FSTL4: variants seen among roughly 807,000 people sequenced by gnomAD.
FSTL4 encodes follistatin-related protein 4.
Under a neutral mutation model 78.2 loss-of-function variants are expected in FSTL4, and 28 were observed. That is an observed-to-expected ratio of 0.36 (90% CI 0.27 to 0.49). FSTL4 has a LOEUF of 0.49. FSTL4 is among the 20% of genes least tolerant of loss of function. The pLI is 0.98. For missense variants in FSTL4, 922 were observed against 1,084.9 expected, an observed-to-expected ratio of 0.85 and a Z score of 2.11; for synonymous variants, 422 against 440.5, an observed-to-expected ratio of 0.96 and a Z score of 0.53.
At chr5:133,408,165 C>A (rs765248429) in intron 3 of FSTL4, among the ~76,000 whole-genome samples, 17 of 152,326 alleles carry the variant, frequency 1.1e-4, no homozygotes, top group South Asian at 8.3e-4. Flanking sequence ...ACGTAACCCT[C>A]TAGCCTGGAT....
chr5:133,347,547 T>C (rs913084312), intron 4 of FSTL4, among the ~76,000 whole-genome samples: 3 of 152,082 alleles, frequency 2.0e-5, no homozygotes, highest in African/African-American at 7.2e-5. Context: ...GGGTTATAGA[T>C]GGGGTTTCAC....
chr5:133,503,333 GAC>G (rs1758540094), intron 3 of FSTL4, among the ~76,000 whole-genome samples: 1 of 152,190 alleles, frequency 6.6e-6, no homozygotes, highest in Non-Finnish European at 1.5e-5. Context: ...AGTAGAATTT[GAC>G]AATTTCCATG....
chr5:133,778,629 G>T, the FSTL4 span, among the ~76,000 whole-genome samples: 1 of 152,166 alleles, frequency 6.6e-6, no homozygotes, highest in Non-Finnish European at 1.5e-5. Flanking sequence ...CCTCACCGAG[G>T]CTGTGACAGA....
intron 3 of FSTL4, among the ~76,000 whole-genome samples, chr5:133,564,786 T>C (rs1056610486): frequency 6.6e-5 from 10 of 151,976 alleles, no homozygotes; most frequent in African/African-American, 9.7e-5. Context: ...GAGGGGGAAA[T>C]AGGGCAGAGG....
rs113617618 is a variant in FSTL4 at position 133,504,489 on chromosome 5, A to T, written c.160+62697T>A. On this transcript the variant is annotated intron_variant, in intron 3 of 15. Transcript: ENST00000265342. ...TAATCCCCATTTTTTACAACAGAAT[A>T]ATCCTTTAAAACTATAAACCTCATC... Among the ~76,000 whole-genome samples, 1,365 of 152,178 alleles carry T rather than the reference A, an allele frequency of 9.0e-3. 18 individuals carry two copies. The highest frequency in any genetic ancestry group is 0.031 in the African/African-American group (1,274 of 41,546).
the FSTL4 span, among the ~76,000 whole-genome samples, chr5:133,702,319 G>A: frequency 6.6e-6 from 1 of 152,164 alleles, no homozygotes; most frequent in African/African-American, 2.4e-5. Flanking sequence ...AGCATCTTAA[G>A]CTTAAGCTCT....
At chr5:133,357,076 G>A (rs1187068509) in intron 4 of FSTL4, among the ~76,000 whole-genome samples, 3 of 152,240 alleles carry the variant, frequency 2.0e-5, no homozygotes, top group Non-Finnish European at 4.4e-5. Context: ...GGACTGCAAA[G>A]CCCTGGACAG....
chr5:133,687,593 C>G, the FSTL4 span, among the ~76,000 whole-genome samples: 1 of 152,180 alleles, frequency 6.6e-6, no homozygotes, highest in African/African-American at 2.4e-5. Context: ...TCCATTCTTC[C>G]TACTCACTAA....
chr5:133,631,929 A>T, the FSTL4 span, among the ~76,000 whole-genome samples: 4,472 of 152,206 alleles, frequency 0.029, 95 homozygotes, highest in Middle Eastern at 0.071. Flanking sequence ...GTTCTCACTC[A>T]TAAGTGGGAG....
rs373996124 is a variant in FSTL4 at position 133,401,176 on chromosome 5, AG to A, written c.161-191del. Among the ~76,000 whole-genome samples the A allele has an allele frequency of 3.4e-4, 52 of 152,332 alleles. 2 individuals are homozygous for A. In the South Asian group the frequency reaches 0.011, roughly 31 times the overall value. On this transcript the variant is annotated intron_variant, in intron 3 of 15. Coordinates refer to ENST00000265342, the MANE Select transcript of FSTL4 (RefSeq NM_015082.2). ...CATGAGGTGGTCATTGGTGCCAAGA[AG>A]GGTGTCCTGCCTTGCAGAGCTCAGG...
chr5:133,688,388 G>T, the FSTL4 span, among the ~76,000 whole-genome samples: 1 of 152,216 alleles, frequency 6.6e-6, no homozygotes, highest in Non-Finnish European at 1.5e-5. Flanking sequence ...ACTCCAGCCT[G>T]GGTGACAGAA....
chr5:133,550,307 A>T (rs1330435736), intron 3 of FSTL4, among the ~76,000 whole-genome samples: 2 of 152,150 alleles, frequency 1.3e-5, no homozygotes, highest in African/African-American at 4.8e-5. Context: ...ATTAGTATCT[A>T]CTCTTTCTGA....
chr5:133,670,333 G>A, the FSTL4 span, among the ~76,000 whole-genome samples: 1 of 152,210 alleles, frequency 6.6e-6, no homozygotes, highest in Non-Finnish European at 1.5e-5. Flanking sequence ...CCAGAAAACA[G>A]GCTGAGAAAA....
chr5:133,827,093 C>T, the FSTL4 span, among the ~76,000 whole-genome samples: 1 of 152,306 alleles, frequency 6.6e-6, no homozygotes, highest in East Asian at 1.9e-4. Flanking sequence ...ATTTGCTTTC[C>T]CCACTCCAGG....
chr5:133,696,124 T>C, the FSTL4 span, among the ~76,000 whole-genome samples: 1 of 152,244 alleles, frequency 6.6e-6, no homozygotes, highest in Admixed American at 6.5e-5. Context: ...AGAGTAGCCT[T>C]TTCCCATGGC....
At position 133,249,318 on chromosome 5, in the gene FSTL4, C is replaced by T. The variant is rs192570455; in HGVS notation, c.894+92G>A. The T allele has an allele frequency of 4.1e-4, 411 of 1,000,946 alleles. No homozygotes were observed. In the African/African-American group the frequency reaches 5.6e-3, roughly 14 times the overall value. The allele number at this position is 1,000,946 out of a possible 1,614,324, so 62.0% of individuals were successfully genotyped here. A position where few individuals can be genotyped will look rare whatever the true frequency, so the allele number is the denominator to read the frequency against. Reference sequence around the variant, plus strand: ...CCAAACACAGGATGTTAAACTAAAACTCTCCCGTCCTGCCACTGTCTGTGG... The same window carrying T: ...CCAAACACAGGATGTTAAACTAAAATTCTCCCGTCCTGCCACTGTCTGTGG... On this transcript the variant is annotated intron_variant, in intron 7 of 15. Transcript: ENST00000265342.
intron 3 of FSTL4, among the ~76,000 whole-genome samples, chr5:133,502,803 T>C (rs921519309): frequency 2.6e-5 from 4 of 152,166 alleles, no homozygotes; most frequent in Non-Finnish European, 5.9e-5. Context: ...ACCTCTTTTC[T>C]TTATAAATTA....
intron 3 of FSTL4, among the ~76,000 whole-genome samples, chr5:133,447,942 T>C (rs1276601507): frequency 1.3e-5 from 2 of 152,216 alleles, no homozygotes; most frequent in Admixed American, 1.3e-4. Flanking sequence ...CTTTTTTTTT[T>C]CTTTCTTGGA....
chr5:133,637,135 G>C, the FSTL4 span, among the ~76,000 whole-genome samples: 1 of 152,088 alleles, frequency 6.6e-6, no homozygotes, highest in Admixed American at 6.6e-5. Context: ...CCAGGCTCTT[G>C]AAAGATTACC....
Sources: gnomAD v4.1 joint callset for allele counts (sites outside exome capture counted in the v4.1 genomes callset) on GRCh38, gnomAD v4.1.1 for gene constraint, MANE v1.5 for transcripts, NCBI Gene and HGNC (gene_info 2026-07-23, HGNC 2026-07-21) for gene names.